ANKRD33B: variants seen among roughly 807,000 people sequenced by gnomAD.
ANKRD33B encodes the protein ankyrin repeat domain 33B.
A neutral mutation model predicts 21.5 loss-of-function variants in ANKRD33B; 6 were observed. The ratio of observed to expected loss-of-function variants is 0.28; its 90% CI spans 0.15 to 0.55. The LOEUF (loss-of-function observed/expected upper bound fraction) is 0.55, where lower values mean the gene tolerates loss of function less well. Ranked by LOEUF, ANKRD33B falls within the 20% of genes least tolerant of loss-of-function variation. The pLI is 0.94. For synonymous variants in ANKRD33B, 347 were observed against 342.4 expected (o/e 1.01, Z -0.15); for missense variants, 698 against 747.2 (o/e 0.93, Z 0.77).
intron 2 of ANKRD33B, among the ~76,000 whole-genome samples, chr5:10,623,279 G>A (rs1191994047): frequency 6.6e-6 from 1 of 152,170 alleles, no homozygotes; most frequent in African/African-American, 2.4e-5. Flanking sequence ...GAATTTTGCA[G>A]GGTTCACTGA....
chr5:10,645,884 T>C (rs1404512150), intron 3 of ANKRD33B, among the ~76,000 whole-genome samples: 1 of 152,198 alleles, frequency 6.6e-6, no homozygotes, highest in Non-Finnish European at 1.5e-5. Context: ...CTGGAGGTAA[T>C]GTTGCCCCAG....
chr5:10,601,345 A>C (rs1156616701), intron 1 of ANKRD33B, among the ~76,000 whole-genome samples: 1 of 151,714 alleles, frequency 6.6e-6, no homozygotes, highest in African/African-American at 2.4e-5. Context: ...AGAATTCCCC[A>C]CTCGTCAGCT....
rs1737442372 is a variant in ANKRD33B, at chr5:10,654,710, G to C, written c.*4597G>C. The C allele has an allele frequency of 6.6e-6, 1 of 152,358 alleles. No homozygotes were observed. Among genetic ancestry groups the C allele is most frequent in the Non-Finnish European group, 1.5e-5 (1 of 68,050 alleles). The allele number at this position is 152,358 out of a possible 1,614,324, so 9.4% of individuals were successfully genotyped here. A position where few individuals can be genotyped will look rare whatever the true frequency, so the allele number is the denominator to read the frequency against. On this transcript the variant is annotated 3_prime_UTR_variant, in exon 4 of 4. Transcript: ENST00000296657. ...TGAAATGCACCTCCGTGTGCATGGA[G>C]GCGGCTGATGAGAATACAGATAGGC... is the stretch of plus-strand genomic sequence containing the variant.
chr5:10,577,642 G>T (rs545295682), intron 1 of ANKRD33B, among the ~76,000 whole-genome samples: 1 of 152,220 alleles, frequency 6.6e-6, no homozygotes, highest in Non-Finnish European at 1.5e-5. Flanking sequence ...AGTCTGTATC[G>T]CTTCCTTCTA....
At chr5:10,618,898 G>A (rs537923608) in intron 2 of ANKRD33B, among the ~76,000 whole-genome samples, 1 of 152,250 alleles carries the variant, frequency 6.6e-6, no homozygotes, top group East Asian at 1.9e-4. Flanking sequence ...TTAAAGAAAC[G>A]CCAGGAACTG....
chr5:10,592,856 G>C (rs1238993217), intron 1 of ANKRD33B, among the ~76,000 whole-genome samples: 1 of 152,150 alleles, frequency 6.6e-6, no homozygotes, highest in East Asian at 1.9e-4. Context: ...TGCAATGGTA[G>C]TGGAGTTTTT....
In ANKRD33B at chr5:10,607,091, A is replaced by G. The variant is rs1202954252; in HGVS notation, c.367-11242A>G. On this transcript the variant is annotated intron_variant, in intron 1 of 3. Transcript: ENST00000296657. ...CAAAGACATAATCTTAAAATAAAGG[A>G]CAGTTCTTCCCAAGGGAAAAAGAAA... Among the ~76,000 whole-genome samples, 20 of 152,132 alleles carry G rather than the reference A, an allele frequency of 1.3e-4. 1 individual carries two copies. Among genetic ancestry groups the G allele is most frequent in the Admixed American group, 1.3e-3 (20 of 15,274 alleles).
At chr5:10,593,457 A>G (rs925187504) in intron 1 of ANKRD33B, among the ~76,000 whole-genome samples, 6 of 152,118 alleles carry the variant, frequency 3.9e-5, no homozygotes, top group African/African-American at 1.4e-4. Context: ...CAAAGGGGTC[A>G]TCTACACATT....
In ANKRD33B at chr5:10,564,526, C is replaced by A; in HGVS notation, c.59C>A (p.Pro20Gln). Residue 20 changes from proline (P) to glutamine (Q), a missense_variant, in exon 1 of 4, where the codon CCA becomes CAA. By Grantham distance (76) the Pro-to-Gln change is moderately conservative. This residue lies in a region of ANKRD33B where 148 missense variants were observed against 154.9 expected (regional missense o/e 0.96). Coordinates refer to ENST00000296657, the MANE Select transcript of ANKRD33B (RefSeq NM_001164440.2). The stretch of plus-strand genomic sequence containing the variant: ...GGCGGGGCGCGCTGCATGACCCCAC[C>A]ACCGCCGTCCCCACCCCGGGGCGCG... ...EGGGARCMTP[P>Q]PPSPPRGAQV... 6.5e-7 allele frequency: 1 copy of A among 1,532,130 alleles called. No individual in the cohort carries two copies. Among genetic ancestry groups the A allele is most frequent in the South Asian group, 1.2e-5 (1 of 83,940 alleles). The allele number at this position is 1,532,130 out of a possible 1,614,324, so 94.9% of individuals were successfully genotyped here.
intron 2 of ANKRD33B, among the ~76,000 whole-genome samples, chr5:10,634,521 G>A (rs1033807170): frequency 2.0e-5 from 3 of 149,202 alleles, no homozygotes; most frequent in Non-Finnish European, 3.0e-5. Flanking sequence ...GTTCAGTGGT[G>A]TGATCTTAGC....
At chr5:10,649,095 C>T (rs760824067) in intron 3 of ANKRD33B, among the ~76,000 whole-genome samples, 171 bp from the exon 4 acceptor site, 7 of 121,402 alleles carry the variant, frequency 5.8e-5, no homozygotes, top group Admixed American at 7.6e-5. Flanking sequence ...GCCCGCCTTC[C>T]GGCGCTCAGA....
At chr5:10,631,978 C>T (rs953903901) in intron 2 of ANKRD33B, among the ~76,000 whole-genome samples, 5 of 152,106 alleles carry the variant, frequency 3.3e-5, no homozygotes, top group South Asian at 2.1e-4. Context: ...GTCTTTAGAA[C>T]GGGCTGGTTT....
intron 1 of ANKRD33B, among the ~76,000 whole-genome samples, chr5:10,589,169 G>A (rs771932615): frequency 4.3e-4 from 66 of 152,202 alleles, no homozygotes; most frequent in Non-Finnish European, 8.5e-4. Flanking sequence ...CAACCGTGCT[G>A]TGGGAAACCC....
At chr5:10,635,780 C>G (rs549987746) in intron 2 of ANKRD33B, among the ~76,000 whole-genome samples, 1 of 152,336 alleles carries the variant, frequency 6.6e-6, no homozygotes, top group African/African-American at 2.4e-5. Flanking sequence ...GGTTCCAACC[C>G]CGGCAGTACT....
intron 3 of ANKRD33B, 87 bp downstream of exon 3, chr5:10,638,255 C>G: frequency 7.1e-7 from 1 of 1,410,952 alleles, no homozygotes; most frequent in Non-Finnish European, 9.4e-7. Flanking sequence ...ATTAATCACT[C>G]CCATAGAAAC....
chr5:10,609,397 C>T (rs775750217), intron 1 of ANKRD33B, among the ~76,000 whole-genome samples: 1 of 151,728 alleles, frequency 6.6e-6, no homozygotes, highest in Non-Finnish European at 1.5e-5. Context: ...TACAAAAATA[C>T]AAAAATTAGC....
At position 10,564,776 on chromosome 5, in the gene ANKRD33B, G is replaced by A. The variant is rs966633130; in HGVS notation, c.309G>A (p.Thr103=). 1.4e-5 allele frequency: 21 copies of A among 1,525,584 alleles called. No homozygotes were observed. Among genetic ancestry groups the A allele is most frequent in the Admixed American group, 1.2e-4 (6 of 50,724 alleles). 94.5% of individuals were successfully genotyped at this position (1,525,584 alleles called of 1,614,324 possible). ...CCAACAACGTGGGGCTGCTGCGGAC[G>A]CTGGTGCGGCGCGGGGTGAGCGTCG... The part of the protein sequence containing the change: ...ACANNVGLLR[T]LVRRGVSVEE... Residue 103 remains threonine (T), a synonymous_variant, in exon 1 of 4, where the codon ACG becomes ACA. Coordinates refer to ENST00000296657, the MANE Select transcript of ANKRD33B (RefSeq NM_001164440.2).
intron 2 of ANKRD33B, among the ~76,000 whole-genome samples, chr5:10,633,308 G>T (rs1442900298): frequency 6.6e-6 from 1 of 152,076 alleles, no homozygotes; most frequent in East Asian, 1.9e-4. Context: ...CACCATGTTG[G>T]CCAGGACGGT....
chr5:10,645,945 CT>C (rs1484974406), intron 3 of ANKRD33B, among the ~76,000 whole-genome samples: 1 of 152,206 alleles, frequency 6.6e-6, no homozygotes, highest in Non-Finnish European at 1.5e-5. Flanking sequence ...AACTGGCGGA[CT>C]GCTACTGGCA....
Sources: allele counts gnomAD v4.1 joint callset (sites outside exome capture counted in the v4.1 genomes callset), GRCh38; gene constraint gnomAD v4.1.1; regional missense constraint gnomAD v4.1.1; transcripts MANE v1.5; gene names NCBI Gene and HGNC (gene_info 2026-07-23, HGNC 2026-07-21).